The following CAPN13 variants were observed in gnomAD, a reference collection of about 807,000 sequenced individuals.
CAPN13 encodes calpain-13.
A neutral mutation model predicts 98.4 loss-of-function variants in CAPN13; 90 were observed. The observed-to-expected ratio is 0.92, with a 90% confidence interval of 0.77 to 1.09. The LOEUF is 1.09. Among genes scored for constraint, CAPN13 ranks in the 50% least tolerant of loss-of-function variants. The pLI is 0.00. For missense variants in CAPN13, 887 were observed against 841.3 expected (o/e 1.05, Z -0.67); for synonymous variants, 330 against 305.5 (o/e 1.08, Z -0.84).
At chr2:30,765,186 G>A (rs1673048747) in intron 5 of CAPN13, among the ~76,000 whole-genome samples, 1 of 152,210 alleles carries the variant, frequency 6.6e-6, no homozygotes, top group South Asian at 2.1e-4. Context: ...GCAGGGGCCG[G>A]ACAGTTAGAT....
At chr2:30,755,298 C>T (rs772856632) in intron 8 of CAPN13, among the ~76,000 whole-genome samples, 1 of 152,090 alleles carries the variant, frequency 6.6e-6, no homozygotes, top group Non-Finnish European at 1.5e-5. Context: ...GCTTCCATAG[C>T]CCACTGTGTT....
intron 21 of CAPN13, 148 bp from the exon 22 acceptor site, chr2:30,730,934 C>T (rs922065818): frequency 8.2e-5 from 54 of 662,196 alleles, no homozygotes; most frequent in Non-Finnish European, 1.3e-4. Flanking sequence ...GGGTACGGGG[C>T]GGGGTTGTCT....
intron 1 of CAPN13, among the ~76,000 whole-genome samples, chr2:30,800,178 A>AAGAAAGAAAGAAAGAG (rs1675181471): frequency 6.6e-6 from 1 of 151,096 alleles, no homozygotes; most frequent in Admixed American, 6.6e-5. Flanking sequence ...GAAAGAAAGA[A>AAGAAAGAAAGAAAGAG]AGAAAGAAAG....
At chr2:30,793,132 A>T (rs185586320) in intron 1 of CAPN13, among the ~76,000 whole-genome samples, 177 of 151,938 alleles carry the variant, frequency 1.2e-3, no homozygotes, top group African/African-American at 3.7e-3. Context: ...TCTATTTACC[A>T]CTGTTGTGAA....
chr2:30,788,999 G>C (rs1428536530), intron 1 of CAPN13, among the ~76,000 whole-genome samples: 1 of 152,090 alleles, frequency 6.6e-6, no homozygotes, highest in East Asian at 1.9e-4. Context: ...GGTAAGAAAT[G>C]GTTAAATACA....
Position 30,787,158 on chromosome 2 carries a change from G to A in CAPN13, c.168C>T (p.Arg56=). The change falls in exon 2 of 23, where the codon CGC becomes CGT. Residue 56 remains arginine, a synonymous_variant. Transcript: ENST00000295055. The stretch of plus-strand genomic sequence containing the variant: ...GCCGCTTCCATATCACATTGGAGAG[G>A]CGTTTTTCCTGGAGCAGCTTCTGGC... ...SIGQKLLQEK[R]LSNVIWKRPQ... is the part of the protein sequence containing the mutation. 3.2e-6 allele frequency: 5 copies of A among 1,577,812 alleles called. No homozygotes were observed. Among genetic ancestry groups the A allele is most frequent in the Non-Finnish European group, 4.3e-6 (5 of 1,161,444 alleles).
rs139216693 is a variant in CAPN13 at position 30,769,726 on chromosome 2, T to A, written c.524+587A>T. Among the ~76,000 whole-genome samples the A allele has an allele frequency of 3.6e-3, 549 of 152,326 alleles. 2 individuals carry two copies. Among genetic ancestry groups the A allele is most frequent in the African/African-American group, 0.011 (478 of 41,574 alleles). On this transcript the variant is annotated intron_variant, in intron 5 of 22. Coordinates refer to ENST00000295055, the MANE Select transcript of CAPN13 (RefSeq NM_144575.3). ...CTTGTCAGCACCTAAAGGCAGTTCC[T>A]AAGTTATGGTATTTTGACCATATGA...
At chr2:30,738,004 C>T (rs941439883) in intron 17 of CAPN13, 4 of 520,718 alleles carry the variant, frequency 7.7e-6, no homozygotes, top group African/African-American at 1.9e-5. Context: ...CACACACACA[C>T]ACCCCAGTAC....
chr2:30,779,274 C>G (rs1479765277), intron 2 of CAPN13, among the ~76,000 whole-genome samples: 1 of 152,244 alleles, frequency 6.6e-6, no homozygotes, highest in African/African-American at 2.4e-5. Flanking sequence ...CAATCCTACT[C>G]TAATATTTCT....
intron 10 of CAPN13, 117 bp downstream of exon 10, chr2:30,752,936 T>C: frequency 8.5e-7 from 1 of 1,170,144 alleles, no homozygotes; most frequent in African/African-American, 1.5e-5. Flanking sequence ...CTCCCCTCCT[T>C]TCAGCTTCAG....
chr2:30,746,289 C>T (rs962396002), intron 11 of CAPN13, among the ~76,000 whole-genome samples: 3 of 152,180 alleles, frequency 2.0e-5, no homozygotes, highest in Admixed American at 2.0e-4. Flanking sequence ...CAAGATACAC[C>T]ATCACTTAGA....
chr2:30,757,626 T>G (rs2148004318), intron 8 of CAPN13, among the ~76,000 whole-genome samples: 1 of 152,306 alleles, frequency 6.6e-6, no homozygotes, highest in African/African-American at 2.4e-5. Flanking sequence ...AGGATCAGAA[T>G]CCCATGGGTC....
chr2:30,793,527 A>G (rs1341033344), intron 1 of CAPN13, among the ~76,000 whole-genome samples: 2 of 151,810 alleles, frequency 1.3e-5, no homozygotes, highest in Non-Finnish European at 3.0e-5. Flanking sequence ...AAATTTCTCT[A>G]TAGGTTCAAT....
chr2:30,731,524 G>A lies in CAPN13; in HGVS notation c.1928-125C>T, dbSNP rs191778002. 380 of 744,850 alleles carry A rather than the reference G, an allele frequency of 5.1e-4. No homozygotes were observed. In the African/African-American group the frequency reaches 5.6e-3, roughly 11 times the overall value. 46.1% of individuals were successfully genotyped at this position (744,850 alleles called of 1,614,324 possible). A position where few individuals can be genotyped will look rare whatever the true frequency, so the allele number is the denominator to read the frequency against. ...TCTGTAAAGCAGCCCCTCCTGCTCC[G>A]CGGGGTGTGCCTGTCACCCATCCTT... On this transcript the variant is annotated intron_variant, in intron 20 of 22. Coordinates refer to ENST00000295055, the MANE Select transcript of CAPN13 (RefSeq NM_144575.3).
Position 30,741,909 on chromosome 2 carries a change from T to A in CAPN13, c.1535A>T (p.Gln512Leu), listed in dbSNP as rs1300000400. The change falls in exon 15 of 23, where the codon CAG becomes CTG. Residue 512 changes from glutamine (Q) to leucine (L), a missense_variant and splice_region_variant. Gln to Leu is a moderately radical substitution (Grantham distance 113). Coordinates refer to ENST00000295055, the MANE Select transcript of CAPN13 (RefSeq NM_144575.3). ...GCCCCTGGGTGCTAGGTACCATACC[T>A]GCTGAGCATATCTGTTGAAAATGCT... ...QQSIFNRYAQ[Q>L]RLDIDATQLQ... 73 of 1,613,800 alleles carry A rather than the reference T, an allele frequency of 4.5e-5. No homozygotes were observed. The East Asian group carries it at 1.6e-3, about 36-fold the overall frequency.
intron 2 of CAPN13, among the ~76,000 whole-genome samples, chr2:30,781,048 A>G (rs932335959): frequency 3.9e-5 from 6 of 152,242 alleles, no homozygotes; most frequent in Non-Finnish European, 5.9e-5. Flanking sequence ...GCAGCTTCAC[A>G]GACAGGGAGA....
At chr2:30,759,811 C>T (rs1370031257) in intron 7 of CAPN13, among the ~76,000 whole-genome samples, 2 of 152,178 alleles carry the variant, frequency 1.3e-5, no homozygotes, top group Non-Finnish European at 2.9e-5. Flanking sequence ...TGGCTGTGAC[C>T]TTGGCCTCGA....
At chr2:30,760,073 G>A (rs990114540) in intron 7 of CAPN13, among the ~76,000 whole-genome samples, 5 of 146,800 alleles carry the variant, frequency 3.4e-5, no homozygotes, top group African/African-American at 8.0e-5. Flanking sequence ...GGCCTTGCAC[G>A]CCATTTATTA....
chr2:30,771,287 C>A (rs938900448), intron 4 of CAPN13, among the ~76,000 whole-genome samples: 7 of 152,224 alleles, frequency 4.6e-5, no homozygotes, highest in Non-Finnish European at 1.0e-4. Flanking sequence ...CAGCCCTGAG[C>A]TTTGGCAAAG....
Sources: gnomAD v4.1 joint callset for allele counts (sites outside exome capture counted in the v4.1 genomes callset) on GRCh38, gnomAD v4.1.1 for gene constraint, MANE v1.5 for transcripts, NCBI Gene and HGNC (gene_info 2026-07-23, HGNC 2026-07-21) for gene names.